The following ATP13A4 variants were observed in gnomAD, a reference collection of about 807,000 sequenced individuals.
ATP13A4 encodes probable cation-transporting ATPase 13A4.
ATP13A4 carries 114 observed loss-of-function variants against 142.5 expected under a neutral mutation model. The observed-to-expected ratio is 0.80, with a 90% CI of 0.69 to 0.93. The LOEUF (loss-of-function observed/expected upper bound fraction) is 0.93, where lower values mean the gene tolerates loss of function less well. Among genes scored for constraint, ATP13A4 ranks in the 40% least tolerant of loss-of-function variants. ATP13A4 has a pLI of 0.00. For missense variants in ATP13A4, 1,392 were observed against 1,454.0 expected (o/e 0.96, Z 0.69); for synonymous variants, 488 against 514.8 (o/e 0.95, Z 0.70).
upstream of ATP13A4, among the ~76,000 whole-genome samples, chr3:193,556,288 TC>T (rs1156710448): frequency 6.6e-6 from 1 of 152,156 alleles, no homozygotes; most frequent in South Asian, 2.1e-4. Context: ...CCACTGTCTG[TC>T]CCTCAAGCTA....
At chr3:193,580,683 G>A (rs1724520419) in intron 2 of ATP13A4, among the ~76,000 whole-genome samples, 1 of 152,158 alleles carries the variant, frequency 6.6e-6, no homozygotes, top group African/African-American at 2.4e-5. Context: ...AAATGAACCA[G>A]AGTGTGGAGC....
At chr3:193,464,714 G>A in intron 12 of ATP13A4, among the ~76,000 whole-genome samples, 1 of 152,202 alleles carries the variant, frequency 6.6e-6, no homozygotes, top group African/African-American at 2.4e-5. Flanking sequence ...ATCAAAGCTG[G>A]AAGGACCCAA....
At chr3:193,477,069 G>C (rs1719007918) in intron 8 of ATP13A4, among the ~76,000 whole-genome samples, 1 of 152,008 alleles carries the variant, frequency 6.6e-6, no homozygotes, top group South Asian at 2.1e-4. Flanking sequence ...AAAAAAAAAT[G>C]CAGTATCTTT....
chr3:193,546,802 T>C (rs1019782291), intron 1 of ATP13A4, among the ~76,000 whole-genome samples: 7 of 152,240 alleles, frequency 4.6e-5, no homozygotes, highest in African/African-American at 1.7e-4. Flanking sequence ...ACGAACCTGG[T>C]AATGTCACTT....
intron 8 of ATP13A4, among the ~76,000 whole-genome samples, chr3:193,478,169 T>C (rs1183413617): frequency 6.6e-6 from 1 of 151,756 alleles, no homozygotes; most frequent in Admixed American, 6.6e-5. Context: ...CATCAAAAAG[T>C]CTGGTAGAGC....
At chr3:193,476,597 T>G (rs1465777334) in intron 8 of ATP13A4, among the ~76,000 whole-genome samples, 1 of 152,136 alleles carries the variant, frequency 6.6e-6, no homozygotes, top group Non-Finnish European at 1.5e-5. Flanking sequence ...GTCCCAGCTT[T>G]CAGTGTATCT....
At chr3:193,557,647 G>C (rs1723931588), upstream of ATP13A4, among the ~76,000 whole-genome samples, 1 of 152,176 alleles carries the variant, frequency 6.6e-6, no homozygotes, top group Non-Finnish European at 1.5e-5. Flanking sequence ...TGAGTATTCG[G>C]ACCTAGGCAA....
At chr3:193,529,348 C>T (rs528631600) in intron 1 of ATP13A4, among the ~76,000 whole-genome samples, 108 of 151,724 alleles carry the variant, frequency 7.1e-4, no homozygotes, top group African/African-American at 2.5e-3. Context: ...TTATAATTAT[C>T]CATTAAGTTG....
At chr3:193,410,449 A>T (rs1054963033) in intron 28 of ATP13A4, among the ~76,000 whole-genome samples, 6 of 152,248 alleles carry the variant, frequency 3.9e-5, no homozygotes, top group African/African-American at 1.4e-4. Flanking sequence ...GCAGTGGCTT[A>T]AGCCTGTAAG....
intron 2 of ATP13A4, among the ~76,000 whole-genome samples, chr3:193,562,026 G>A (rs1195276028): frequency 6.6e-6 from 1 of 152,194 alleles, no homozygotes; most frequent in African/African-American, 2.4e-5. Context: ...CTGTTGGCTA[G>A]CTGCAAGCTT....
At chr3:193,540,378 A>G (rs1577064645) in intron 1 of ATP13A4, among the ~76,000 whole-genome samples, 1 of 151,782 alleles carries the variant, frequency 6.6e-6, no homozygotes, top group African/African-American at 2.4e-5. Context: ...GTGCCTCCAA[A>G]CCGCATCCCT....
intron 7 of ATP13A4, among the ~76,000 whole-genome samples, chr3:193,484,209 T>C (rs1417703877): frequency 1.3e-5 from 2 of 152,082 alleles, no homozygotes; most frequent in Admixed American, 1.3e-4. Flanking sequence ...GCAATAAGTA[T>C]GTTTTCTTCA....
upstream of ATP13A4, chr3:193,555,108 A>G (rs947734684): frequency 2.2e-6 from 1 of 463,626 alleles, no homozygotes; most frequent in African/African-American, 2.0e-5. Context: ...CTTACAGGGA[A>G]AGAACTCATT....
chr3:193,575,687 A>G (rs1353384277), intron 2 of ATP13A4, among the ~76,000 whole-genome samples: 2 of 152,222 alleles, frequency 1.3e-5, no homozygotes, highest in Admixed American at 1.3e-4. Flanking sequence ...TAATTACTAC[A>G]ATACCTGAAA....
At chr3:193,501,766 A>G (rs907294027) in intron 3 of ATP13A4, among the ~76,000 whole-genome samples, 1 of 152,094 alleles carries the variant, frequency 6.6e-6, no homozygotes, top group Non-Finnish European at 1.5e-5. Context: ...TTTAATATGA[A>G]TGTTAACTAG....
chr3:193,423,086 C>G (rs926953957), intron 25 of ATP13A4, among the ~76,000 whole-genome samples: 1 of 149,758 alleles, frequency 6.7e-6, no homozygotes, highest in African/African-American at 2.4e-5. Flanking sequence ...TTATGAACAA[C>G]TGTATGCCAA....
intron 18 of ATP13A4, among the ~76,000 whole-genome samples, chr3:193,446,739 C>T (rs950700276): frequency 3.3e-5 from 5 of 151,962 alleles, no homozygotes; most frequent in African/African-American, 1.2e-4. Context: ...ATGTTCCAGA[C>T]TAAGTTAATG....
rs202048501 is a variant in ATP13A4 at position 193,402,818 on chromosome 3, C to T, written c.3425G>A (p.Cys1142Tyr). The change falls in exon 30 of 30, where the codon TGT (cysteine) becomes TAT (tyrosine). Residue 1142 changes from cysteine to tyrosine, a missense_variant. By Grantham distance (194) the Cys-to-Tyr change is radical. Coordinates refer to ENST00000342695, the MANE Select transcript of ATP13A4 (RefSeq NM_032279.4). ...NRALWMMIKR[C>Y]FGYQSKSQYR... ...CTGGCTTTTTGACTGATAGCCGAAA[C>T]ATCTTTTAATCATCATCCACAGGGC... 2.5e-6 allele frequency: 4 copies of T among 1,614,124 alleles called. No homozygotes were observed. The highest frequency in any genetic ancestry group is 3.4e-6 in the Non-Finnish European group (4 of 1,179,990).
At chr3:193,571,261 A>G (rs1176655872) in intron 2 of ATP13A4, among the ~76,000 whole-genome samples, 3 of 119,312 alleles carry the variant, frequency 2.5e-5, no homozygotes, top group African/African-American at 1.1e-4. Flanking sequence ...CCTGGGTGAC[A>G]AAGCAAGACC....
Sources: gnomAD v4.1 joint callset for allele counts (sites outside exome capture counted in the v4.1 genomes callset) on GRCh38, gnomAD v4.1.1 for gene constraint, MANE v1.5 for transcripts, NCBI Gene and HGNC (gene_info 2026-07-23, HGNC 2026-07-21) for gene names.